Variants in MGMT observed in about 807,000 individuals in gnomAD.
MGMT encodes methylated-DNA--protein-cysteine methyltransferase.
Under a neutral mutation model 15.9 loss-of-function variants are expected in MGMT, and 14 were observed. The ratio of observed to expected loss-of-function variants is 0.88; its 90% CI spans 0.58 to 1.37. The LOEUF is 1.37. Among genes scored for constraint, MGMT ranks in the 40% most tolerant of loss-of-function variants. MGMT has a pLI of 0.00. For synonymous variants in MGMT, 130 were observed against 118.2 expected, an observed-to-expected ratio of 1.10 and a Z score of -0.65; for missense variants, 282 against 268.1, an observed-to-expected ratio of 1.05 and a Z score of -0.36.
rs1846602887 is a variant in MGMT at position 129,585,026 on chromosome 10, G to A, written c.125+48649G>A. Among the ~76,000 whole-genome samples the A allele has an allele frequency of 3.3e-5, 5 of 152,124 alleles. No individual in the cohort carries two copies. The South Asian group carries it at 1.0e-3, about 32-fold the overall frequency. On this transcript the variant is annotated intron_variant, in intron 2 of 4. Transcript: ENST00000651593. ...AGGATTCCTGGGTCCGATGGCAATT[G>A]CATGTTTAGCATTTTGAAAAACTTA...
chr10:129,646,205 T>C, intron 2 of MGMT, among the ~76,000 whole-genome samples: 1 of 152,144 alleles, frequency 6.6e-6, no homozygotes, highest in East Asian at 1.9e-4. Context: ...CCCAGGACTC[T>C]GAGGCCCCAC....
intron 3 of MGMT, among the ~76,000 whole-genome samples, chr10:129,713,770 C>A (rs1245281908): frequency 2.6e-5 from 4 of 152,132 alleles, no homozygotes; most frequent in African/African-American, 9.7e-5. Context: ...TTTACTTACA[C>A]CAGCCCTGCC....
intron 2 of MGMT, among the ~76,000 whole-genome samples, chr10:129,680,623 G>A (rs540147219): frequency 5.6e-5 from 8 of 142,634 alleles, no homozygotes; most frequent in Admixed American, 1.5e-4. Context: ...GAATTCTACC[G>A]ACTTTGGAGC....
At chr10:129,598,614 A>G (rs1564864279) in intron 2 of MGMT, among the ~76,000 whole-genome samples, 1 of 152,268 alleles carries the variant, frequency 6.6e-6, no homozygotes, top group Admixed American at 6.5e-5. Context: ...ATTACTAAGC[A>G]TGGAGTTAAA....
chr10:129,552,367 C>T (rs191603470), intron 2 of MGMT, among the ~76,000 whole-genome samples: 40 of 152,342 alleles, frequency 2.6e-4, no homozygotes, highest in African/African-American at 9.4e-4. Flanking sequence ...AGGAGGATGA[C>T]TCTGTGCAGA....
intron 2 of MGMT, among the ~76,000 whole-genome samples, chr10:129,667,430 G>A (rs937185421): frequency 2.6e-5 from 4 of 152,090 alleles, no homozygotes; most frequent in Admixed American, 1.3e-4. Context: ...TTTGGGAGAC[G>A]CACCCATACA....
intron 1 of MGMT, among the ~76,000 whole-genome samples, chr10:129,510,794 G>A (rs978336119): frequency 4.0e-5 from 6 of 151,346 alleles, no homozygotes; most frequent in African/African-American, 9.7e-5. Flanking sequence ...ATGCAGCCAC[G>A]TGCTTCCTGT....
intron 2 of MGMT, among the ~76,000 whole-genome samples, chr10:129,702,581 G>T (rs994842135): frequency 6.6e-6 from 1 of 152,158 alleles, no homozygotes; most frequent in Non-Finnish European, 1.5e-5. Context: ...CCAGGCAAAA[G>T]TCTTGTCTCC....
At chr10:129,597,247 GT>G (rs1846761850) in intron 2 of MGMT, among the ~76,000 whole-genome samples, 1 of 152,232 alleles carries the variant, frequency 6.6e-6, no homozygotes, top group Admixed American at 6.5e-5. Flanking sequence ...CATTGTTATG[GT>G]TGGCATTCTG....
At chr10:129,616,325 C>A (rs902405156) in intron 2 of MGMT, among the ~76,000 whole-genome samples, 17 of 152,202 alleles carry the variant, frequency 1.1e-4, no homozygotes, top group African/African-American at 3.6e-4. Flanking sequence ...GAGAGGCCGC[C>A]CAGGCAGGAA....
At chr10:129,477,931 G>A (rs1297515791) in intron 1 of MGMT, among the ~76,000 whole-genome samples, 1 of 152,178 alleles carries the variant, frequency 6.6e-6, no homozygotes. Flanking sequence ...TTTAGCTCTT[G>A]GCATCCCAAA....
intron 2 of MGMT, among the ~76,000 whole-genome samples, chr10:129,549,445 G>A (rs965983225): frequency 6.6e-6 from 1 of 152,188 alleles, no homozygotes; most frequent in Non-Finnish European, 1.5e-5. Flanking sequence ...CTGAGGGCGA[G>A]AAGAATGTTC....
intron 1 of MGMT, among the ~76,000 whole-genome samples, chr10:129,520,791 TGGTGCGGGTGCAGAGCCCCTAC>T (rs1228717490): frequency 1.1e-4 from 12 of 111,616 alleles, no homozygotes; most frequent in East Asian, 6.1e-4. Context: ...AGAGCCCCTA[TGGTGCGGGTGCAGAGCCCCTAC>T]GGTGCGGGTA....
intron 1 of MGMT, among the ~76,000 whole-genome samples, chr10:129,479,529 G>A (rs1035569096): frequency 1.3e-5 from 2 of 152,240 alleles, no homozygotes; most frequent in South Asian, 2.1e-4. Context: ...AAAAGTTCTC[G>A]AGTGGATCCT....
chr10:129,604,873 C>T (rs949439956), intron 2 of MGMT, among the ~76,000 whole-genome samples: 2 of 152,122 alleles, frequency 1.3e-5, no homozygotes, highest in Non-Finnish European at 2.9e-5. Context: ...TAGTCTGCTT[C>T]GGGCTGCGTC....
chr10:129,579,090 A>G (rs1027017316), intron 2 of MGMT, among the ~76,000 whole-genome samples: 1 of 152,164 alleles, frequency 6.6e-6, no homozygotes, highest in South Asian at 2.1e-4. Flanking sequence ...GACCTAACAG[A>G]TTAGGATGAT....
chr10:129,579,505 C>G (rs1373325380), intron 2 of MGMT, among the ~76,000 whole-genome samples: 2 of 152,238 alleles, frequency 1.3e-5, no homozygotes, highest in Non-Finnish European at 2.9e-5. Flanking sequence ...CTCCGTGCCT[C>G]CATGCCTGCG....
chr10:129,734,449 G>A (rs1009760525), intron 3 of MGMT, among the ~76,000 whole-genome samples: 2 of 150,972 alleles, frequency 1.3e-5, no homozygotes, highest in African/African-American at 4.8e-5. Context: ...TTCAGCTTAA[G>A]GAGATTTTGG....
At chr10:129,650,982 T>C (rs1448628262) in intron 2 of MGMT, among the ~76,000 whole-genome samples, 1 of 152,192 alleles carries the variant, frequency 6.6e-6, no homozygotes, top group African/African-American at 2.4e-5. Flanking sequence ...CACATTCCAC[T>C]TGGGGACAGA....
Sources: allele counts gnomAD v4.1 joint callset (sites outside exome capture counted in the v4.1 genomes callset), GRCh38; gene constraint gnomAD v4.1.1; transcripts MANE v1.5; gene names NCBI Gene and HGNC (gene_info 2026-07-23, HGNC 2026-07-21).